Variants in ZNF385D observed in about 807,000 individuals in gnomAD.
The protein encoded by ZNF385D is zinc finger protein 659.
Under a neutral mutation model 35.8 loss-of-function variants are expected in ZNF385D, and 15 were observed. That is an observed-to-expected ratio of 0.42 (90% CI 0.28 to 0.64). The LOEUF is 0.64. Ranked by LOEUF, ZNF385D falls within the 30% of genes least tolerant of loss-of-function variation. The pLI is 0.23. For missense variants in ZNF385D, 474 were observed against 494.6 expected (o/e 0.96, Z 0.39); for synonymous variants, 212 against 186.8 (o/e 1.13, Z -1.10).
At chr3:22,031,861 C>T (rs562145097) in intron 3 of ZNF385D, among the ~76,000 whole-genome samples, 2 of 152,202 alleles carry the variant, frequency 1.3e-5, no homozygotes, top group Non-Finnish European at 2.9e-5. Flanking sequence ...TTCAAACTAT[C>T]TCTTTGTGAA....
chr3:21,751,623 G>T (rs1036694803), upstream of ZNF385D, among the ~76,000 whole-genome samples: 5 of 151,924 alleles, frequency 3.3e-5, no homozygotes, highest in Admixed American at 1.3e-4. Flanking sequence ...AGGGTTTGTT[G>T]TTATTTTTTG....
At chr3:22,020,443 G>A (rs1460328367) in intron 3 of ZNF385D, among the ~76,000 whole-genome samples, 1 of 151,706 alleles carries the variant, frequency 6.6e-6, no homozygotes, top group Admixed American at 6.6e-5. Context: ...GAAGAGCTGG[G>A]ACCTAAACAT....
intron 3 of ZNF385D, among the ~76,000 whole-genome samples, chr3:21,865,464 G>A (rs928744058): frequency 2.0e-5 from 3 of 152,016 alleles, no homozygotes; most frequent in Non-Finnish European, 4.4e-5. Context: ...ATGGGTCCAG[G>A]GGGATAGAGT....
intron 3 of ZNF385D, among the ~76,000 whole-genome samples, chr3:22,126,955 G>A (rs1703468879): frequency 6.6e-6 from 1 of 151,812 alleles, no homozygotes; most frequent in South Asian, 2.1e-4. Context: ...TGTGATTTTT[G>A]TCTTAACAAT....
intron 2 of ZNF385D, among the ~76,000 whole-genome samples, chr3:21,566,253 T>TAACA (rs74279249): frequency 0.16 from 24,225 of 152,058 alleles, 1,925 homozygotes; most frequent in Non-Finnish European, 0.18. Context: ...ATTTATTATC[T>TAACA]AACAAACATT....
chr3:21,829,454 G>A (rs1329377337), intron 3 of ZNF385D, among the ~76,000 whole-genome samples: 1 of 152,124 alleles, frequency 6.6e-6, no homozygotes, highest in Non-Finnish European at 1.5e-5. Context: ...GAGTGGCAGA[G>A]ACAGGGTCAG....
At chr3:21,482,440 G>A (rs1274597890) in intron 4 of ZNF385D, among the ~76,000 whole-genome samples, 2 of 152,148 alleles carry the variant, frequency 1.3e-5, no homozygotes, top group Admixed American at 6.6e-5. Flanking sequence ...TTTCCATCTG[G>A]CCTTTTACAG....
At chr3:21,722,280 C>T (rs1336478761) in intron 1 of ZNF385D, among the ~76,000 whole-genome samples, 2 of 152,194 alleles carry the variant, frequency 1.3e-5, no homozygotes, top group African/African-American at 4.8e-5. Context: ...GCAAGCAGCT[C>T]TGAATAAAAC....
At chr3:22,336,908 T>TTAAAAAAAAA (rs1559527421) in intron 2 of ZNF385D, among the ~76,000 whole-genome samples, 1 of 1,056 alleles carries the variant, frequency 9.5e-4, no homozygotes, top group Non-Finnish European at 5.3e-3. Flanking sequence ...CAGTGATTTT[T>TTAAAAAAAAA]CAAAAAAAAA....
At chr3:22,037,709 T>C (rs1464455540) in intron 3 of ZNF385D, among the ~76,000 whole-genome samples, 2 of 152,162 alleles carry the variant, frequency 1.3e-5, no homozygotes, top group Non-Finnish European at 2.9e-5. Flanking sequence ...GCTCTTTAGT[T>C]TAATTAGATC....
intron 2 of ZNF385D, among the ~76,000 whole-genome samples, chr3:21,590,413 A>C (rs1232062626): frequency 6.6e-6 from 1 of 152,192 alleles, no homozygotes; most frequent in East Asian, 1.9e-4. Context: ...AGGTACATGT[A>C]GTTTATATTA....
intron 3 of ZNF385D, among the ~76,000 whole-genome samples, chr3:22,006,433 A>C (rs1298396944): frequency 6.6e-6 from 1 of 152,148 alleles, no homozygotes; most frequent in East Asian, 1.9e-4. Context: ...CTGGGAAAAT[A>C]CAGGTGTTCC....
chr3:21,717,904 T>G (rs1250280139), intron 1 of ZNF385D, among the ~76,000 whole-genome samples: 2 of 152,334 alleles, frequency 1.3e-5, no homozygotes, highest in East Asian at 3.9e-4. Context: ...AATGGACTAC[T>G]ACATTCCTAT....
intron 3 of ZNF385D, among the ~76,000 whole-genome samples, chr3:21,970,030 T>A (rs1208804780): frequency 6.6e-6 from 1 of 152,176 alleles, no homozygotes; most frequent in Non-Finnish European, 1.5e-5. Context: ...CAGATATAGC[T>A]GCGGTGATGA....
intron 2 of ZNF385D, among the ~76,000 whole-genome samples, chr3:21,570,478 A>G (rs1294686996): frequency 6.6e-6 from 1 of 152,166 alleles, no homozygotes; most frequent in East Asian, 1.9e-4. Context: ...CTGTGTTCCT[A>G]TTATTACTGT....
chr3:21,851,057 A>G (rs2630807), intron 3 of ZNF385D, among the ~76,000 whole-genome samples: 66,829 of 151,806 alleles, frequency 0.44, 14,958 homozygotes, highest in South Asian at 0.5. Context: ...AAATCAAAGG[A>G]CAAGGATTTT....
chr3:22,294,707 CT>C (rs1302735025), intron 2 of ZNF385D, among the ~76,000 whole-genome samples: 1 of 151,984 alleles, frequency 6.6e-6, no homozygotes, highest in Admixed American at 6.6e-5. Context: ...CTTCTATGTT[CT>C]GAATTGCAAA....
rs749699001 is a variant in ZNF385D, at chr3:21,437,169, C to T, written c.474G>A (p.Thr158=). 16 of 1,613,616 alleles carry T rather than the reference C, an allele frequency of 9.9e-6. No individual in the cohort carries two copies. In the South Asian group the frequency reaches 1.4e-4, roughly 14 times the overall value. ...TGCTTTTGCGGATTTCCACAGTTGT[C>T]GTCGTTGATATTGCTGGTGTCCCTG... ...GTAGTPAIST[T]TTVEIRKSSV... The change falls in exon 5 of 8, where the codon ACG becomes ACA. Residue 158 remains threonine, a synonymous_variant. Transcript: ENST00000281523.
intron 3 of ZNF385D, among the ~76,000 whole-genome samples, chr3:21,513,233 C>G (rs907656926): frequency 6.6e-6 from 1 of 151,502 alleles, no homozygotes; most frequent in Non-Finnish European, 1.5e-5. Context: ...AAAAACAAAC[C>G]AAAACAAACC....
Sources: gnomAD v4.1 joint callset for allele counts (sites outside exome capture counted in the v4.1 genomes callset) on GRCh38, gnomAD v4.1.1 for gene constraint, MANE v1.5 for transcripts, NCBI Gene and HGNC (gene_info 2026-07-23, HGNC 2026-07-21) for gene names.